Variants in TMEM132B observed in about 807,000 individuals in gnomAD.
TMEM132B encodes the protein transmembrane protein 132B.
TMEM132B carries 18 observed loss-of-function variants against 90.8 expected under a neutral mutation model. The observed-to-expected ratio is 0.20, with a 90% CI of 0.14 to 0.29. The LOEUF (loss-of-function observed/expected upper bound fraction) is 0.29. Ranked by LOEUF, TMEM132B falls within the 10% of genes least tolerant of loss-of-function variation. TMEM132B has a pLI of 1.00. For synonymous variants in TMEM132B, 504 were observed against 523.3 expected (o/e 0.96, Z 0.50); for missense variants, 1,096 against 1,326.8 (o/e 0.83, Z 2.70).
chr12:125,237,606 G>A (rs142551111), intron 1 of TMEM132B, among the ~76,000 whole-genome samples: 3 of 152,126 alleles, frequency 2.0e-5, no homozygotes, highest in African/African-American at 4.8e-5. Context: ...CCACCACCAC[G>A]CCCAGCTAAT....
At chr12:125,434,875 G>A (rs1048895346) in intron 3 of TMEM132B, among the ~76,000 whole-genome samples, 12 of 152,168 alleles carry the variant, frequency 7.9e-5, no homozygotes, top group African/African-American at 2.9e-4. Flanking sequence ...GCGGGGTCAG[G>A]AGCGAAGAGC....
At chr12:125,280,775 G>A (rs1307188059) in intron 1 of TMEM132B, among the ~76,000 whole-genome samples, 1 of 152,230 alleles carries the variant, frequency 6.6e-6, no homozygotes, top group East Asian at 1.9e-4. Context: ...CAGCAGCACG[G>A]GGAATGCTCC....
intron 1 of TMEM132B, among the ~76,000 whole-genome samples, chr12:125,194,119 G>T (rs999916927): frequency 5.9e-5 from 9 of 152,206 alleles, no homozygotes; most frequent in Admixed American, 5.2e-4. Flanking sequence ...CCTGACACCT[G>T]ACTCTTAACT....
chr12:125,491,940 T>C (rs189998185), intron 3 of TMEM132B, among the ~76,000 whole-genome samples: 1 of 152,378 alleles, frequency 6.6e-6, no homozygotes, highest in East Asian at 1.9e-4. Flanking sequence ...GAAATGCCGA[T>C]ATCCTTCTCT....
At chr12:125,579,841 T>A (rs1280245430) in intron 4 of TMEM132B, among the ~76,000 whole-genome samples, 1 of 152,222 alleles carries the variant, frequency 6.6e-6, no homozygotes, top group Non-Finnish European at 1.5e-5. Flanking sequence ...CTTTTTTGCA[T>A]GTCTCATAAG....
At chr12:125,252,118 C>T (rs1411767192) in intron 1 of TMEM132B, among the ~76,000 whole-genome samples, 1 of 152,186 alleles carries the variant, frequency 6.6e-6, no homozygotes, top group Admixed American at 6.5e-5. Context: ...CACTGTTTCC[C>T]AGCAAGAGTT....
intron 1 of TMEM132B, among the ~76,000 whole-genome samples, chr12:125,245,341 A>G (rs1025171409): frequency 1.6e-4 from 24 of 147,104 alleles, no homozygotes; most frequent in Admixed American, 1.2e-3. Flanking sequence ...CCTGCCAGGA[A>G]AAGACCCCCC....
intron 6 of TMEM132B, among the ~76,000 whole-genome samples, chr12:125,646,256 A>G (rs2137035232): frequency 6.6e-6 from 1 of 152,354 alleles, no homozygotes; most frequent in East Asian, 1.9e-4. Context: ...CTGAATGTGC[A>G]CTTGGATTCA....
intron 4 of TMEM132B, among the ~76,000 whole-genome samples, chr12:125,532,287 C>T (rs907300507): frequency 3.9e-4 from 60 of 152,202 alleles, no homozygotes; most frequent in African/African-American, 1.1e-3. Flanking sequence ...GGGGCTTCAG[C>T]GGCAGGGATG....
chr12:125,469,576 A>T (rs966562767), intron 3 of TMEM132B, among the ~76,000 whole-genome samples: 1 of 152,200 alleles, frequency 6.6e-6, no homozygotes, highest in South Asian at 2.1e-4. Context: ...GGACAAGATC[A>T]CATGAGATCA....
intron 5 of TMEM132B, chr12:125,587,230 TGTGC>T (rs1885202460): frequency 7.6e-6 from 1 of 132,056 alleles, no homozygotes; most frequent in South Asian, 2.5e-4. Flanking sequence ...TGTGTGTGTG[TGTGC>T]GCACACACAC....
chr12:125,448,964 CTTT>C (rs368984381), intron 3 of TMEM132B, among the ~76,000 whole-genome samples: 6,869 of 124,432 alleles, frequency 0.055, 362 homozygotes, highest in African/African-American at 0.18. Context: ...ATTCATATAT[CTTT>C]TTTTTTTTTT....
intron 5 of TMEM132B, among the ~76,000 whole-genome samples, chr12:125,594,008 A>G (rs1325169423): frequency 6.6e-6 from 1 of 152,184 alleles, no homozygotes; most frequent in Non-Finnish European, 1.5e-5. Context: ...AATAGTGAAC[A>G]TATCCTTAAC....
chr12:125,465,425 T>A (rs1881537589), intron 3 of TMEM132B, among the ~76,000 whole-genome samples: 2 of 152,190 alleles, frequency 1.3e-5, no homozygotes, highest in South Asian at 4.1e-4. Flanking sequence ...AGGCAATAAC[T>A]CCTCTTATTA....
intron 5 of TMEM132B, among the ~76,000 whole-genome samples, chr12:125,641,029 G>A (rs1256308227): frequency 1.3e-5 from 2 of 151,950 alleles, no homozygotes; most frequent in Non-Finnish European, 2.9e-5. Flanking sequence ...CTTGTCTGAG[G>A]CTGCCTCACT....
chr12:125,644,857 C>T (rs1886720797), intron 6 of TMEM132B, among the ~76,000 whole-genome samples: 1 of 152,106 alleles, frequency 6.6e-6, no homozygotes, highest in African/African-American at 2.4e-5. Flanking sequence ...TCTCAGTTTC[C>T]TCATCTATCA....
At chr12:125,515,537 G>A (rs911646225) in intron 3 of TMEM132B, among the ~76,000 whole-genome samples, 9 of 141,486 alleles carry the variant, frequency 6.4e-5, no homozygotes, top group Middle Eastern at 4.9e-3. Context: ...ACATTCTCAC[G>A]CTCACACACA....
intron 1 of TMEM132B, among the ~76,000 whole-genome samples, chr12:125,261,505 G>T (rs558406239): frequency 6.6e-6 from 1 of 152,304 alleles, no homozygotes; most frequent in South Asian, 2.1e-4. Flanking sequence ...GTGATATTTG[G>T]TGAGAGGTGA....
chr12:125,304,722 T>A (rs530817882), intron 1 of TMEM132B, among the ~76,000 whole-genome samples: 1 of 152,138 alleles, frequency 6.6e-6, no homozygotes, highest in Non-Finnish European at 1.5e-5. Flanking sequence ...TCCCAACTAC[T>A]TGGGGGGCTG....
Sources: allele counts gnomAD v4.1 joint callset (sites outside exome capture counted in the v4.1 genomes callset), GRCh38; gene constraint gnomAD v4.1.1; transcripts MANE v1.5; gene names NCBI Gene and HGNC (gene_info 2026-07-23, HGNC 2026-07-21).